The following DOCK8 variants were observed in gnomAD, a reference collection of about 807,000 sequenced individuals.
The protein encoded by DOCK8 is dedicator of cytokinesis 8, also known as dedicator of cytokinesis protein 8.
A neutral mutation model predicts 245.6 loss-of-function variants in DOCK8; 141 were observed. The observed-to-expected ratio is 0.57, with a 90% CI of 0.50 to 0.66. DOCK8 has a LOEUF of 0.66. DOCK8 is among the 30% of genes least tolerant of loss of function. DOCK8 has a pLI of 0.00. For missense variants in DOCK8, 2,965 were observed against 2,603.4 expected (o/e 1.14, Z -3.02); for synonymous variants, 1,168 against 970.2 (o/e 1.20, Z -3.79).
Position 441,346 on chromosome 9 carries a change from C to G in DOCK8, c.5284C>G (p.His1762Asp). 1 of 1,614,212 alleles carries G rather than the reference C, an allele frequency of 6.2e-7. No homozygotes were observed. Among genetic ancestry groups the G allele is most frequent in the Middle Eastern group, 1.6e-4 (1 of 6,062 alleles). Residue 1762 changes from histidine to aspartate, a missense_variant, in exon 41 of 48, where the codon CAT (histidine) becomes GAT (aspartate). This residue lies in a region of DOCK8 where 2,825 missense variants were observed against 2,453.5 expected (regional missense o/e 1.15). Coordinates refer to ENST00000432829, the MANE Select transcript of DOCK8 (RefSeq NM_203447.4). The stretch of plus-strand genomic sequence containing the variant: ...GCTGGTCATCCCCATCCTAGAAGCG[C>G]ATCGAGAATTCCGGAAGCTGACACT... Reference protein sequence around the residue: ...YKLVIPILEAHREFRKLTLTH... With the variant: ...YKLVIPILEADREFRKLTLTH...
At chr9:416,645 A>T (rs2056026381) in intron 29 of DOCK8, among the ~76,000 whole-genome samples, 1 of 152,230 alleles carries the variant, frequency 6.6e-6, no homozygotes. Flanking sequence ...AGTCTTTCAA[A>T]AAGATGCATC....
rs934782411 is a variant in DOCK8 at position 420,808 on chromosome 9, A to G, written c.4024-141A>G. 3.8e-6 allele frequency: 5 copies of G among 1,309,920 alleles called. No homozygotes were observed. The African/African-American group carries it at 7.3e-5, about 19-fold the overall frequency. 81.1% of individuals were successfully genotyped at this position (1,309,920 alleles called of 1,614,324 possible). A position where few individuals can be genotyped will look rare whatever the true frequency, so the allele number is the denominator to read the frequency against. On this transcript the variant is annotated intron_variant, in intron 31 of 47. Coordinates refer to ENST00000432829, the MANE Select transcript of DOCK8 (RefSeq NM_203447.4). ...ATTTCTGTTGACAGAGTTTTGGCCC[A>G]TAGGATGCTCCAGAGCAGCATCTCA...
chr9:351,632 A>G (rs902189303), intron 14 of DOCK8, among the ~76,000 whole-genome samples: 2 of 152,234 alleles, frequency 1.3e-5, no homozygotes, highest in Admixed American at 1.3e-4. Flanking sequence ...AGCTCACAGC[A>G]TCTACTCAGT....
At chr9:368,447 G>T in intron 15 of DOCK8, 1 of 613,638 alleles carries the variant, frequency 1.6e-6, no homozygotes, top group South Asian at 1.9e-5. Flanking sequence ...AAAGTAAAGA[G>T]ATGGCTCAAC....
rs951866096 is a variant in DOCK8, at chr9:288,912, A to C, written c.333-598A>C. On this transcript the variant is annotated intron_variant, in intron 3 of 47. Transcript: ENST00000432829. ...TTTCTGGTACTAATGCATTTGCAAC[A>C]ATAGCAAAAAGCTTTGCTACAATTG... Among the ~76,000 whole-genome samples, 3 of 152,386 alleles carry C rather than the reference A, an allele frequency of 2.0e-5. No homozygotes were observed. In the South Asian group the frequency reaches 6.2e-4, roughly 32 times the overall value.
chr9:362,917 A>G (rs750587), intron 14 of DOCK8, among the ~76,000 whole-genome samples: 119,070 of 152,036 alleles, frequency 0.78, 47,976 homozygotes, highest in South Asian at 0.89. Flanking sequence ...TCTCAGCAAA[A>G]GAAATAGAAG....
intron 3 of DOCK8, 109 bp downstream of exon 3, chr9:286,745 T>C (rs2048840511): frequency 4.8e-6 from 5 of 1,036,698 alleles, no homozygotes; most frequent in Non-Finnish European, 7.4e-6. Context: ...ATAAAATTAC[T>C]CAATCCATTC....
intron 26 of DOCK8, among the ~76,000 whole-genome samples, chr9:400,228 TCCA>T (rs2054789304): frequency 1.5e-5 from 1 of 66,388 alleles, no homozygotes; most frequent in African/African-American, 5.1e-5. Context: ...CACCACCACC[TCCA>T]CCATCACCAC....
In DOCK8 at chr9:422,070, AAAT is replaced by A. The variant is rs767901218; in HGVS notation, c.4177_4179del (p.Asn1393del). ...TAGGGAACGACCGATTTCCAGGCCT[AAAT>A]GAAAATTTGAGATGGAAGAAAGAGC... On this transcript the variant is annotated inframe_deletion, in exon 33 of 48. Transcript: ENST00000432829. The A allele has an allele frequency of 6.2e-7, 1 of 1,614,108 alleles. No homozygotes were observed. The highest frequency in any genetic ancestry group is 1.3e-5 in the African/African-American group (1 of 75,064).
rs528580060 is a variant in DOCK8 at position 307,378 on chromosome 9, A to T, written c.528+2674A>T. 3.1e-4 allele frequency among the ~76,000 whole-genome samples: 16 copies of T among 52,168 alleles called. No homozygotes were observed. In the South Asian group the frequency reaches 8.3e-3, roughly 27 times the overall value. 34.2% of individuals were successfully genotyped at this position (52,168 alleles called of 152,430 possible). On this transcript the variant is annotated intron_variant, in intron 5 of 47. Coordinates refer to ENST00000432829, the MANE Select transcript of DOCK8 (RefSeq NM_203447.4). Reference sequence around the variant, plus strand: ...TTTTTTTTTTTTTTTTTTTTTTTTGAGATGGAGTTTTGCTCTTATTGCCAG... The same window carrying T: ...TTTTTTTTTTTTTTTTTTTTTTTTGTGATGGAGTTTTGCTCTTATTGCCAG...
chr9:289,436 C>G, intron 3 of DOCK8, 74 bp from the exon 4 acceptor site: 2 of 1,186,946 alleles, frequency 1.7e-6, no homozygotes, highest in South Asian at 2.5e-5. Context: ...TGTCATGTTC[C>G]TTGCTCATGA....
chr9:233,185 G>A (rs2047159740), intron 1 of DOCK8, among the ~76,000 whole-genome samples: 1 of 152,144 alleles, frequency 6.6e-6, no homozygotes, highest in African/African-American at 2.4e-5. Flanking sequence ...AGGTTGTTCA[G>A]TTTCCATGTA....
At chr9:429,600 T>G in intron 35 of DOCK8, 102 bp from the exon 36 acceptor site, 1 of 1,415,684 alleles carries the variant, frequency 7.1e-7, no homozygotes, top group East Asian at 2.3e-5. Flanking sequence ...TTAACTCTTC[T>G]AGGCTTTTTG....
intron 1 of DOCK8, among the ~76,000 whole-genome samples, chr9:250,571 C>G (rs2047621196): frequency 6.6e-6 from 1 of 152,134 alleles, no homozygotes; most frequent in South Asian, 2.1e-4. Flanking sequence ...GTTTTAGAAA[C>G]AGATTTGCTT....
At chr9:230,182 G>T (rs2047078971) in intron 1 of DOCK8, among the ~76,000 whole-genome samples, 1 of 151,460 alleles carries the variant, frequency 6.6e-6, no homozygotes, top group African/African-American at 2.4e-5. Context: ...GCGATAGTTT[G>T]CTGAGAATGA....
At chr9:461,054 C>G (rs1402988090) in intron 46 of DOCK8, among the ~76,000 whole-genome samples, 3 of 152,156 alleles carry the variant, frequency 2.0e-5, no homozygotes, top group African/African-American at 7.2e-5. Context: ...AAACAAAAGG[C>G]AAAACTTCAT....
intron 4 of DOCK8, among the ~76,000 whole-genome samples, chr9:301,667 C>T (rs112344892): frequency 0.026 from 3,940 of 152,320 alleles, 86 homozygotes; most frequent in South Asian, 0.056. Context: ...GATACAAAAT[C>T]AATGTACAAA....
Position 386,420 on chromosome 9 carries a change from C to G in DOCK8, c.2868C>G (p.Ser956Arg), listed in dbSNP as rs2053955594. ...CACCTGCAGCCCCAAGGCCAGCCAG[C>G]AAAAAGGTACTGAAGAGAGCAATGT... ...PSSPAAPRPA[S>R]KKHFHEELAL... Residue 956 changes from serine to arginine, a missense_variant, in exon 23 of 48, where the codon AGC becomes AGG. Around this residue, in one of 3 missense-constraint regions of DOCK8, gnomAD observed 2,825 missense variants for 2,453.5 expected, o/e 1.15. Coordinates refer to ENST00000432829, the MANE Select transcript of DOCK8 (RefSeq NM_203447.4). 6.2e-7 allele frequency: 1 copy of G among 1,612,986 alleles called. No homozygotes were observed. The highest frequency in any genetic ancestry group is 8.5e-7 in the Non-Finnish European group (1 of 1,179,416).
chr9:457,272 T>A (rs2057668881), intron 46 of DOCK8, among the ~76,000 whole-genome samples: 1 of 152,200 alleles, frequency 6.6e-6, no homozygotes, highest in Admixed American at 6.5e-5. Flanking sequence ...CCATTCTGCC[T>A]CAACTAGATG....
Sources: gnomAD v4.1 joint callset for allele counts (sites outside exome capture counted in the v4.1 genomes callset) on GRCh38, gnomAD v4.1.1 for gene constraint, gnomAD v4.1.1 regional missense constraint, MANE v1.5 for transcripts, NCBI Gene and HGNC (gene_info 2026-07-23, HGNC 2026-07-21) for gene names.